The following PCDH9 variants were observed in gnomAD, a reference collection of about 807,000 sequenced individuals.
The protein encoded by PCDH9 is protocadherin-9.
PCDH9 carries 24 observed loss-of-function variants against 70.6 expected under a neutral mutation model. The ratio of observed to expected loss-of-function variants is 0.34; its 90% CI spans 0.25 to 0.48. The LOEUF is 0.48. Ranked by LOEUF, PCDH9 falls within the 20% of genes least tolerant of loss-of-function variation. The pLI, the probability that PCDH9 is intolerant of heterozygous loss-of-function variation, is 0.99. For synonymous variants in PCDH9, 562 were observed against 558.5 expected, an observed-to-expected ratio of 1.01 and a Z score of -0.09; for missense variants, 1,281 against 1,503.6, an observed-to-expected ratio of 0.85 and a Z score of 2.45.
At chr13:66,629,528 G>A (rs2077542424) in intron 4 of PCDH9, among the ~76,000 whole-genome samples, 1 of 152,124 alleles carries the variant, frequency 6.6e-6, no homozygotes, top group Non-Finnish European at 1.5e-5. Flanking sequence ...TGCTTACACT[G>A]GTCAAAACCA....
intron 4 of PCDH9, among the ~76,000 whole-genome samples, chr13:66,435,795 T>C (rs947155302): frequency 5.9e-5 from 9 of 152,162 alleles, no homozygotes; most frequent in African/African-American, 2.2e-4. Flanking sequence ...AGAAAATAAA[T>C]CTTTATTAAG....
rs143343055 is a variant in PCDH9 at position 66,304,760 on chromosome 13, G to A, written c.3609C>T (p.Gly1203=). 512 of 1,613,350 alleles carry A rather than the reference G, an allele frequency of 3.2e-4. 2 individuals are homozygous for A. Among genetic ancestry groups the A allele is most frequent in the South Asian group, 1.6e-3 (145 of 91,070 alleles). Residue 1203 remains glycine, a synonymous_variant, in exon 5 of 5, where the codon GGC becomes GGT. Coordinates refer to ENST00000377865, the MANE Select transcript of PCDH9 (RefSeq NM_203487.3). The part of the protein sequence containing the change: ...NDRKQYGSNE[G]HFNNGSHMTD... ...TCATGTGGCTGCCATTGTTGAAATG[G>A]CCTTCATTGGAGCCATACTGCTTAC... is the stretch of plus-strand genomic sequence containing the variant.
intron 4 of PCDH9, among the ~76,000 whole-genome samples, chr13:66,537,612 G>A (rs2138648248): frequency 6.6e-6 from 1 of 152,154 alleles, no homozygotes; most frequent in African/African-American, 2.4e-5. Flanking sequence ...GATATGTGGG[G>A]TAATGAGGTC....
intron 4 of PCDH9, among the ~76,000 whole-genome samples, chr13:66,577,801 A>C (rs1243929881): frequency 6.6e-6 from 1 of 152,066 alleles, no homozygotes; most frequent in East Asian, 1.9e-4. Context: ...CTGAGGATTC[A>C]GATGCTCAGC....
intron 2 of PCDH9, among the ~76,000 whole-genome samples, chr13:67,106,830 A>T (rs1416517065): frequency 6.6e-6 from 1 of 152,158 alleles, no homozygotes; most frequent in African/African-American, 2.4e-5. Flanking sequence ...CCAATTTTGG[A>T]ACAAAGTTGA....
intron 4 of PCDH9, among the ~76,000 whole-genome samples, chr13:66,334,911 T>A (rs1956010275): frequency 6.6e-6 from 1 of 152,106 alleles, no homozygotes; most frequent in Admixed American, 6.6e-5. Context: ...TTACAGCATA[T>A]TTTTATTCAT....
intron 3 of PCDH9, among the ~76,000 whole-genome samples, chr13:66,787,685 A>G (rs1363793153): frequency 6.6e-6 from 1 of 152,132 alleles, no homozygotes; most frequent in African/African-American, 2.4e-5. Context: ...TAATTATTGA[A>G]TGATACTTTT....
At chr13:66,828,034 T>C (rs1187934892) in intron 3 of PCDH9, among the ~76,000 whole-genome samples, 2 of 152,268 alleles carry the variant, frequency 1.3e-5, no homozygotes, top group African/African-American at 4.8e-5. Context: ...TCTTTACATA[T>C]AAAATGACAA....
At chr13:66,653,827 G>A (rs1432974554) in intron 3 of PCDH9, among the ~76,000 whole-genome samples, 1 of 151,940 alleles carries the variant, frequency 6.6e-6, no homozygotes, top group Non-Finnish European at 1.5e-5. Context: ...AATTAGCTAG[G>A]CGTGGTGGCG....
chr13:66,767,235 C>CA (rs1461626374), intron 3 of PCDH9, among the ~76,000 whole-genome samples: 12 of 150,718 alleles, frequency 8.0e-5, no homozygotes, highest in African/African-American at 1.2e-4. Flanking sequence ...GATGGTCTCA[C>CA]AAAAAAGAGC....
intron 3 of PCDH9, among the ~76,000 whole-genome samples, chr13:66,779,357 A>C (rs1345665235): frequency 1.3e-5 from 2 of 152,228 alleles, no homozygotes; most frequent in Non-Finnish European, 2.9e-5. Context: ...AGATGAATAC[A>C]TAAAATAATC....
intron 3 of PCDH9, among the ~76,000 whole-genome samples, chr13:66,854,788 G>T (rs1036044561): frequency 6.6e-6 from 1 of 152,038 alleles, no homozygotes; most frequent in Non-Finnish European, 1.5e-5. Context: ...GAGTTATATT[G>T]TTGTTGGCCA....
chr13:66,930,180 T>C (rs977135677), intron 2 of PCDH9, among the ~76,000 whole-genome samples: 6 of 152,200 alleles, frequency 3.9e-5, no homozygotes, highest in South Asian at 2.1e-4. Context: ...TAATTCTATT[T>C]AGCATTCTGT....
intron 4 of PCDH9, among the ~76,000 whole-genome samples, chr13:66,335,493 AGGG>A (rs1360458927): frequency 6.6e-6 from 1 of 152,186 alleles, no homozygotes; most frequent in Admixed American, 6.6e-5. Flanking sequence ...CTTATATACC[AGGG>A]ACCATGCCAA....
chr13:67,147,246 C>T (rs2087544431), intron 2 of PCDH9, among the ~76,000 whole-genome samples: 2 of 152,132 alleles, frequency 1.3e-5, no homozygotes, highest in Non-Finnish European at 2.9e-5. Context: ...AACTTTCTAT[C>T]AGACCTTCAT....
intron 4 of PCDH9, among the ~76,000 whole-genome samples, chr13:66,453,704 C>T (rs1367405782): frequency 6.6e-6 from 1 of 152,134 alleles, no homozygotes; most frequent in African/African-American, 2.4e-5. Flanking sequence ...TAGTATAAGG[C>T]CCAGGCTGGA....
At chr13:67,031,301 A>G (rs1172180614) in intron 2 of PCDH9, among the ~76,000 whole-genome samples, 2 of 152,234 alleles carry the variant, frequency 1.3e-5, no homozygotes, top group African/African-American at 2.4e-5. Context: ...TACATTTTCT[A>G]CAATTTACCA....
chr13:66,384,456 C>T (rs1181482555), intron 4 of PCDH9, among the ~76,000 whole-genome samples: 1 of 152,136 alleles, frequency 6.6e-6, no homozygotes, highest in Admixed American at 6.5e-5. Context: ...GCTTGATACA[C>T]TTACACATAA....
chr13:66,774,367 C>G (rs1157016807), intron 3 of PCDH9, among the ~76,000 whole-genome samples: 1 of 152,104 alleles, frequency 6.6e-6, no homozygotes, highest in African/African-American at 2.4e-5. Flanking sequence ...AGGAAGAAAG[C>G]AGCTCCCAAA....
Sources: gnomAD v4.1 joint callset for allele counts (sites outside exome capture counted in the v4.1 genomes callset) on GRCh38, gnomAD v4.1.1 for gene constraint, MANE v1.5 for transcripts, NCBI Gene and HGNC (gene_info 2026-07-23, HGNC 2026-07-21) for gene names.